STX18: variants seen among roughly 807,000 people sequenced by gnomAD.
The protein encoded by STX18 is syntaxin 18.
Under a neutral mutation model 50.1 loss-of-function variants are expected in STX18, and 40 were observed. The ratio of observed to expected loss-of-function variants is 0.80; its 90% CI spans 0.62 to 1.04. The LOEUF (loss-of-function observed/expected upper bound fraction) is 1.04, where lower values mean the gene tolerates loss of function less well. Ranked by LOEUF, STX18 falls within the 50% of genes least tolerant of loss-of-function variation. The probability of loss-of-function intolerance (pLI) is 0.00; values close to 1 mark genes in which losing one functional copy is unlikely to be tolerated. For missense variants in STX18, 410 were observed against 415.8 expected (o/e 0.99, Z 0.12); for synonymous variants, 158 against 151.8 (o/e 1.04, Z -0.30).
Position 4,541,987 on chromosome 4 carries a change from A to G in STX18, c.-23T>C. On this transcript the variant is annotated 5_prime_UTR_variant, in exon 1 of 11. Coordinates refer to ENST00000306200, the MANE Select transcript of STX18 (RefSeq NM_016930.4). Reference sequence around the variant, plus strand: ...CATAGCGACCCGCACCCTCAGCCCCACACTAGGCCCGCCCACGTAAGCAGC... The same window carrying G: ...CATAGCGACCCGCACCCTCAGCCCCGCACTAGGCCCGCCCACGTAAGCAGC... 1.9e-6 allele frequency: 3 copies of G among 1,563,906 alleles called. No individual in the cohort carries two copies. The highest frequency in any genetic ancestry group is 2.6e-6 in the Non-Finnish European group (3 of 1,154,702).
At chr4:4,490,326 T>C (rs187319441) in intron 1 of STX18, among the ~76,000 whole-genome samples, 9 of 152,314 alleles carry the variant, frequency 5.9e-5, no homozygotes, top group Admixed American at 5.9e-4. Context: ...ACTTACAGTA[T>C]TACTCTAATA....
chr4:4,426,796 G>A (rs1465831170), intron 7 of STX18, among the ~76,000 whole-genome samples: 1 of 152,158 alleles, frequency 6.6e-6, no homozygotes, highest in Non-Finnish European at 1.5e-5. Flanking sequence ...TGCTGGTCAT[G>A]CCAGAATGCC....
At chr4:4,451,461 TTTTG>T (rs1244130575) in intron 5 of STX18, among the ~76,000 whole-genome samples, 4 of 152,378 alleles carry the variant, frequency 2.6e-5, no homozygotes, top group East Asian at 3.9e-4. Flanking sequence ...ATATTGCATT[TTTTG>T]TTTGTTTTTA....
At chr4:4,434,323 G>C (rs1474625686) in intron 7 of STX18, among the ~76,000 whole-genome samples, 1 of 152,204 alleles carries the variant, frequency 6.6e-6, no homozygotes, top group East Asian at 1.9e-4. Flanking sequence ...AGCTATAGCA[G>C]CTGGAAACCA....
At chr4:4,481,867 G>A (rs920932205) in intron 1 of STX18, among the ~76,000 whole-genome samples, 2 of 152,170 alleles carry the variant, frequency 1.3e-5, no homozygotes, top group Non-Finnish European at 2.9e-5. Context: ...CCACAGCAGC[G>A]AGTTTGTTGA....
intron 1 of STX18, among the ~76,000 whole-genome samples, chr4:4,485,665 C>A (rs1366849576): frequency 6.6e-6 from 1 of 152,170 alleles, no homozygotes; most frequent in Admixed American, 6.5e-5. Flanking sequence ...CACCCTCACC[C>A]CAGAGCTCAC....
At chr4:4,484,899 T>C (rs531444617) in intron 1 of STX18, among the ~76,000 whole-genome samples, 2 of 152,298 alleles carry the variant, frequency 1.3e-5, no homozygotes, top group East Asian at 3.9e-4. Context: ...GCCAGGCACA[T>C]TAAGGACGGA....
chr4:4,437,717 T>C, intron 6 of STX18: 2 of 691,338 alleles, frequency 2.9e-6, no homozygotes, highest in Non-Finnish European at 3.6e-6. Flanking sequence ...CATCACCCTG[T>C]GATTCACACA....
intron 1 of STX18, among the ~76,000 whole-genome samples, chr4:4,498,123 G>C (rs1229542128): frequency 2.6e-5 from 4 of 152,274 alleles, no homozygotes; most frequent in Non-Finnish European, 5.9e-5. Context: ...TTCTAGATAA[G>C]GGGAATTCTT....
chr4:4,425,187 C>A lies in STX18; in HGVS notation c.738G>T (p.Met246Ile). Reference protein sequence around the residue: ...EQENQRLIGEMNSLFDEVRQI... With the variant: ...EQENQRLIGEINSLFDEVRQI... ...ACCTCACTTCATCAAACAAGCTGTT[C>A]ATTTCACCAATTAGTCGCTGATTTT... Residue 246 changes from methionine (M) to isoleucine (I), a missense_variant, in exon 8 of 11, where the codon ATG becomes ATT. Physicochemically the swap from Met to Ile is conservative, Grantham distance 10. Transcript: ENST00000306200. 1.2e-6 allele frequency: 2 copies of A among 1,614,182 alleles called. No individual in the cohort carries two copies. The highest frequency in any genetic ancestry group is 1.7e-6 in the Non-Finnish European group (2 of 1,179,992).
intron 1 of STX18, among the ~76,000 whole-genome samples, chr4:4,529,133 A>G (rs866632816): frequency 3.3e-5 from 5 of 152,042 alleles, no homozygotes; most frequent in African/African-American, 9.7e-5. Flanking sequence ...GGAGGCTGAG[A>G]CGGGCGGATC....
At chr4:4,488,530 T>C (rs1032505131) in intron 1 of STX18, among the ~76,000 whole-genome samples, 2 of 152,168 alleles carry the variant, frequency 1.3e-5, no homozygotes, top group Non-Finnish European at 2.9e-5. Context: ...GTTACATCAA[T>C]GTAGACGAAA....
intron 1 of STX18, among the ~76,000 whole-genome samples, chr4:4,522,138 T>C (rs1730534867): frequency 2.0e-5 from 3 of 152,240 alleles, no homozygotes; most frequent in South Asian, 4.1e-4. Context: ...AATCATTAAA[T>C]GGTTTTCATC....
Position 4,438,412 on chromosome 4 carries a change from C to T in STX18, c.595G>A (p.Ala199Thr). 6.2e-7 allele frequency: 1 copy of T among 1,612,288 alleles called. No homozygotes were observed. The highest frequency in any genetic ancestry group is 1.3e-5 in the African/African-American group (1 of 74,920). ...SPSKDSEENP[A>T]TEERPEKILA... ...TTCGTACCTGGACGTTCTTCAGTGG[C>T]AGGGTTTTCTTCAGAGTCTTTTGAA... The change falls in exon 6 of 11, where the codon GCC (alanine) becomes ACC (threonine). Residue 199 changes from alanine to threonine, a missense_variant. By Grantham distance (58) the Ala-to-Thr change is moderately conservative (BLOSUM62 0). Transcript: ENST00000306200.
At chr4:4,444,272 C>CT (rs1306699519) in intron 5 of STX18, among the ~76,000 whole-genome samples, 3 of 152,200 alleles carry the variant, frequency 2.0e-5, no homozygotes, top group Non-Finnish European at 4.4e-5. Flanking sequence ...CAAATAAACT[C>CT]TGTTTTGTTT....
chr4:4,472,972 G>A (rs1727995587), intron 1 of STX18, among the ~76,000 whole-genome samples: 1 of 152,148 alleles, frequency 6.6e-6, no homozygotes, highest in Non-Finnish European at 1.5e-5. Context: ...ATTAAGTATG[G>A]TCACAATATT....
At chr4:4,503,679 A>G (rs1037597037) in intron 1 of STX18, among the ~76,000 whole-genome samples, 12 of 152,118 alleles carry the variant, frequency 7.9e-5, no homozygotes, top group African/African-American at 2.4e-4. Flanking sequence ...TTTTAAAAAT[A>G]TTTCCAAGCA....
chr4:4,541,889 C>T lies in STX18; in HGVS notation c.76G>A (p.Ala26Thr), dbSNP rs2108941593. 6.2e-7 allele frequency: 1 copy of T among 1,610,722 alleles called. No individual in the cohort carries two copies. The highest frequency in any genetic ancestry group is 8.5e-7 in the Non-Finnish European group (1 of 1,179,086). ...CTGCCATCGACCCCGCCGCCCACCG[C>T]CACTCCCAGCGCCTTGTTCCGCGTC... ...VKTRNKALGV[A>T]VGGGVDGSRD... The change falls in exon 1 of 11, where the codon GCG (alanine) becomes ACG (threonine). Residue 26 changes from alanine (A) to threonine (T), a missense_variant. Ala to Thr is a moderately conservative substitution (Grantham distance 58, BLOSUM62 0). Coordinates refer to ENST00000306200, the MANE Select transcript of STX18 (RefSeq NM_016930.4).
At chr4:4,461,877 C>T (rs1200099081) in intron 2 of STX18, 1 of 456,218 alleles carries the variant, frequency 2.2e-6, no homozygotes, top group South Asian at 1.5e-5. Context: ...ATATAGTCAC[C>T]ACACCTTTCT....
Sources: gnomAD v4.1 joint callset for allele counts (sites outside exome capture counted in the v4.1 genomes callset) on GRCh38, gnomAD v4.1.1 for gene constraint, MANE v1.5 for transcripts, NCBI Gene and HGNC (gene_info 2026-07-23, HGNC 2026-07-21) for gene names.